SYN3: variants seen among roughly 807,000 people sequenced by gnomAD.
SYN3 encodes the protein synapsin-3.
A neutral mutation model predicts 65.8 loss-of-function variants in SYN3; 35 were observed. The ratio of observed to expected loss-of-function variants is 0.53; its 90% CI spans 0.41 to 0.70. SYN3 has a LOEUF of 0.70. SYN3 is among the 30% of genes least tolerant of loss of function. The probability of loss-of-function intolerance (pLI) is 0.00; values close to 1 mark genes in which losing one functional copy is unlikely to be tolerated. For missense variants in SYN3, 680 were observed against 749.0 expected (o/e 0.91, Z 1.08); for synonymous variants, 270 against 292.9 (o/e 0.92, Z 0.80).
chr22:32,737,585 G>T (rs544708389), intron 6 of SYN3, among the ~76,000 whole-genome samples: 58 of 152,010 alleles, frequency 3.8e-4, no homozygotes, highest in Non-Finnish European at 6.8e-4. Context: ...TTGTCCTTGC[G>T]ATAGTTTGCT....
chr22:32,886,880 C>T (rs778184165), intron 4 of SYN3, among the ~76,000 whole-genome samples: 1 of 152,240 alleles, frequency 6.6e-6, no homozygotes, highest in Non-Finnish European at 1.5e-5. Flanking sequence ...GACTGGAAGG[C>T]AGCCCGCAGG....
intron 7 of SYN3, among the ~76,000 whole-genome samples, chr22:32,550,223 A>T (rs575278167): frequency 9.8e-5 from 15 of 152,300 alleles, no homozygotes; most frequent in African/African-American, 3.6e-4. Flanking sequence ...CATTTCTTAG[A>T]TGAATAAATT....
intron 4 of SYN3, among the ~76,000 whole-genome samples, chr22:32,913,077 G>A (rs1274810235): frequency 2.0e-5 from 3 of 152,136 alleles, no homozygotes; most frequent in Non-Finnish European, 2.9e-5. Flanking sequence ...AGCTTTGCAC[G>A]TGTAGGGGCA....
At chr22:32,943,031 T>C (rs2050988393) in intron 3 of SYN3, among the ~76,000 whole-genome samples, 1 of 152,172 alleles carries the variant, frequency 6.6e-6, no homozygotes, top group Non-Finnish European at 1.5e-5. Context: ...TGCAGGATAT[T>C]ATCCAGGAGA....
At chr22:32,548,435 C>T (rs1022924514) in intron 7 of SYN3, among the ~76,000 whole-genome samples, 2 of 152,212 alleles carry the variant, frequency 1.3e-5, no homozygotes, top group South Asian at 4.2e-4. Context: ...TGCAGTGGCA[C>T]GATCTCAGCT....
chr22:32,697,492 A>G lies in SYN3; in HGVS notation c.712-100756T>C, dbSNP rs138219500. ...GAGGCATTCCATATTTTTTGAATGA[A>G]TAAATGCCAAATGTACATAATGTAA... On this transcript the variant is annotated intron_variant, in intron 6 of 13. Transcript: ENST00000358763. 4.4e-3 allele frequency among the ~76,000 whole-genome samples: 670 copies of G among 152,360 alleles called. 5 individuals are homozygous for G. The highest frequency in any genetic ancestry group is 0.015 in the African/African-American group (628 of 41,586).
intron 4 of SYN3, among the ~76,000 whole-genome samples, chr22:32,910,694 G>C (rs1264454483): frequency 7.1e-6 from 1 of 141,526 alleles, no homozygotes; most frequent in Admixed American, 7.4e-5. Flanking sequence ...TCACAATTAT[G>C]TTTGCACCAA....
At chr22:32,776,715 A>T (rs2145804423) in intron 6 of SYN3, among the ~76,000 whole-genome samples, 1 of 152,328 alleles carries the variant, frequency 6.6e-6, no homozygotes, top group South Asian at 2.1e-4. Flanking sequence ...TTATTCTGGG[A>T]TCCTATGAGG....
At chr22:32,888,682 G>A (rs1213724789) in intron 4 of SYN3, among the ~76,000 whole-genome samples, 1 of 152,184 alleles carries the variant, frequency 6.6e-6, no homozygotes, top group Non-Finnish European at 1.5e-5. Flanking sequence ...TCATGGGCAG[G>A]AGGTACAGGT....
chr22:33,044,203 C>T (rs141597819), intron 1 of SYN3, among the ~76,000 whole-genome samples: 8 of 152,314 alleles, frequency 5.3e-5, no homozygotes, highest in South Asian at 2.1e-4. Flanking sequence ...TGAGCTTCAA[C>T]GCAGGCCCAA....
At chr22:32,840,371 G>A (rs1036195505) in intron 6 of SYN3, among the ~76,000 whole-genome samples, 1 of 152,238 alleles carries the variant, frequency 6.6e-6, no homozygotes, top group African/African-American at 2.4e-5. Flanking sequence ...TGACATCAAC[G>A]AAAAGGGCCT....
At chr22:32,998,270 A>C (rs1270427638) in intron 2 of SYN3, among the ~76,000 whole-genome samples, 1 of 152,142 alleles carries the variant, frequency 6.6e-6, no homozygotes, top group African/African-American at 2.4e-5. Flanking sequence ...AGAAATGCAC[A>C]AGGTGCTTAC....
At chr22:32,935,338 G>A (rs12167376) in intron 3 of SYN3, among the ~76,000 whole-genome samples, 8,282 of 149,712 alleles carry the variant, frequency 0.055, 227 homozygotes, top group Middle Eastern at 0.086. Context: ...TAACAAATTA[G>A]TTATTCACCT....
At chr22:32,937,892 TA>T (rs1430624950) in intron 3 of SYN3, among the ~76,000 whole-genome samples, 1 of 152,000 alleles carries the variant, frequency 6.6e-6, no homozygotes, top group Non-Finnish European at 1.5e-5. Flanking sequence ...AGTTATGGGA[TA>T]ATATTAAATA....
At chr22:32,729,305 G>A (rs930909462) in intron 6 of SYN3, among the ~76,000 whole-genome samples, 15 of 152,172 alleles carry the variant, frequency 9.9e-5, no homozygotes, top group African/African-American at 2.2e-4. Context: ...ACTACTTCAC[G>A]GTGTGGGGGC....
intron 6 of SYN3, among the ~76,000 whole-genome samples, chr22:32,647,451 C>CTT (rs58987529): frequency 2.0e-4 from 29 of 144,880 alleles, no homozygotes; most frequent in Admixed American, 3.5e-4. Context: ...TTTTCTTTTT[C>CTT]TTTTTTTTTT....
chr22:33,040,239 C>G (rs1421852737), intron 1 of SYN3, among the ~76,000 whole-genome samples: 1 of 152,034 alleles, frequency 6.6e-6, no homozygotes, highest in African/African-American at 2.4e-5. Context: ...CCCGTGATCT[C>G]CCGCCTCAGC....
At chr22:32,515,220 T>A (rs533193611) in intron 13 of SYN3, among the ~76,000 whole-genome samples, 1 of 152,348 alleles carries the variant, frequency 6.6e-6, no homozygotes, top group South Asian at 2.1e-4. Context: ...GTAAGGTCAG[T>A]GACCAAACCT....
At chr22:32,924,021 CCTT>C (rs2050404092) in intron 4 of SYN3, among the ~76,000 whole-genome samples, 1 of 152,154 alleles carries the variant, frequency 6.6e-6, no homozygotes, top group Non-Finnish European at 1.5e-5. Flanking sequence ...GACATGATCT[CCTT>C]CTTTTTTATG....
Sources: allele counts gnomAD v4.1 joint callset (sites outside exome capture counted in the v4.1 genomes callset), GRCh38; gene constraint gnomAD v4.1.1; transcripts MANE v1.5; gene names NCBI Gene and HGNC (gene_info 2026-07-23, HGNC 2026-07-21).